The following PI4KA variants were observed in gnomAD, a reference collection of about 807,000 sequenced individuals.
The protein encoded by PI4KA is phosphatidylinositol 4-kinase alpha, also known as PI4-kinase alpha.
In PI4KA, 122 loss-of-function variants were observed where a neutral mutation model predicts 271.4. That is an observed-to-expected ratio of 0.45 (90% CI 0.39 to 0.52). The LOEUF (loss-of-function observed/expected upper bound fraction) is 0.52. Ranked by LOEUF, PI4KA falls within the 20% of genes least tolerant of loss-of-function variation. The probability of loss-of-function intolerance (pLI) is 0.00; values close to 1 mark genes in which losing one functional copy is unlikely to be tolerated. For synonymous variants in PI4KA, 1,041 were observed against 1,078.8 expected (o/e 0.96, Z 0.69); for missense variants, 1,969 against 2,769.1 (o/e 0.71, Z 6.48).
At chr22:20,807,226 C>T (rs993887015) in intron 10 of PI4KA, 136 bp downstream of exon 10, 2 of 612,390 alleles carry the variant, frequency 3.3e-6, no homozygotes, top group Non-Finnish European at 2.9e-6. Flanking sequence ...ATTTCAGTAA[C>T]ATGACCACTT....
chr22:20,755,594 A>T (rs1601414890), intron 23 of PI4KA, among the ~76,000 whole-genome samples: 1 of 152,144 alleles, frequency 6.6e-6, no homozygotes, highest in East Asian at 1.9e-4. Flanking sequence ...TGAGGTCAGG[A>T]GTTTGAGACC....
chr22:20,760,136 C>T (rs866975026), intron 23 of PI4KA, among the ~76,000 whole-genome samples: 38 of 152,334 alleles, frequency 2.5e-4, no homozygotes, highest in Middle Eastern at 3.4e-3. Context: ...AGTTGTACTT[C>T]ATTAATACTA....
At chr22:20,764,769 C>T (rs1294248138) in intron 22 of PI4KA, 48 bp downstream of exon 22, 1 of 1,536,784 alleles carries the variant, frequency 6.5e-7, no homozygotes, top group Non-Finnish European at 8.8e-7. Flanking sequence ...AATGAAAACC[C>T]TGCTCAAATG....
intron 19 of PI4KA, chr22:20,779,880 A>C: frequency 6.2e-7 from 1 of 1,614,256 alleles, no homozygotes. Flanking sequence ...TGTTAATGCC[A>C]GCAGCAAGTA....
intron 7 of PI4KA, among the ~76,000 whole-genome samples, chr22:20,815,303 C>A (rs1921630932): frequency 6.7e-6 from 1 of 149,744 alleles, no homozygotes; most frequent in Non-Finnish European, 1.5e-5. Context: ...ACTGCTTAAG[C>A]CCGGGAGGCT....
chr22:20,856,108 C>A (rs1277951503), intron 1 of PI4KA, among the ~76,000 whole-genome samples: 1 of 152,146 alleles, frequency 6.6e-6, no homozygotes, highest in Non-Finnish European at 1.5e-5. Flanking sequence ...AGGGTGAAAC[C>A]CCGTCTCCAC....
chr22:20,780,261 G>A (rs1933664492), intron 19 of PI4KA: 6 of 1,608,766 alleles, frequency 3.7e-6, no homozygotes, highest in African/African-American at 2.7e-5. Context: ...TTGTATGTGG[G>A]TAGATTGAAT....
At chr22:20,779,838 C>A in intron 19 of PI4KA, 2 of 1,614,214 alleles carry the variant, frequency 1.2e-6, no homozygotes, top group African/African-American at 2.7e-5. Context: ...GACCCATGAA[C>A]AAGTGCACTC....
In PI4KA at chr22:20,833,665, T is replaced by G. The variant is rs1274813410; in HGVS notation, c.367+897A>C. ...AGTTTTGGTTTGTTTTTGTTTTTTT[T>G]TTTTTTTTTTTTTGAGACGGAGTCT... On this transcript the variant is annotated intron_variant, in intron 3 of 54. Coordinates refer to ENST00000255882, the MANE Select transcript of PI4KA (RefSeq NM_058004.4). 2.2e-3 allele frequency among the ~76,000 whole-genome samples: 324 copies of G among 148,422 alleles called. 1 individual carries two copies. The highest frequency in any genetic ancestry group is 7.7e-3 in the African/African-American group (313 of 40,478).
intron 19 of PI4KA, among the ~76,000 whole-genome samples, chr22:20,776,076 C>T (rs1233606521): frequency 1.3e-5 from 2 of 152,160 alleles, no homozygotes; most frequent in Non-Finnish European, 2.9e-5. Context: ...AATTCCAGCA[C>T]TTTGGGAGGC....
intron 19 of PI4KA, among the ~76,000 whole-genome samples, chr22:20,774,755 C>A (rs1224310263): frequency 8.3e-6 from 1 of 120,540 alleles, no homozygotes; most frequent in Non-Finnish European, 1.7e-5. Flanking sequence ...AGTTAGACTC[C>A]GTCAAAAAAA....
intron 2 of PI4KA, among the ~76,000 whole-genome samples, chr22:20,837,273 A>C (rs1308364411): frequency 6.6e-6 from 1 of 152,220 alleles, no homozygotes; most frequent in Non-Finnish European, 1.5e-5. Context: ...GCTGCTCAGG[A>C]GGCTGAGATG....
At chr22:20,805,307 T>A in intron 10 of PI4KA, 142 bp from the exon 11 acceptor site, 1 of 598,750 alleles carries the variant, frequency 1.7e-6, no homozygotes, top group Non-Finnish European at 2.9e-6. Flanking sequence ...GGTCCTAGAA[T>A]GCCCACTGGA....
intron 19 of PI4KA, chr22:20,786,848 A>G: frequency 1.9e-6 from 3 of 1,613,384 alleles, no homozygotes; most frequent in South Asian, 1.1e-5. Context: ...TGACCTCCAG[A>G]ATCTGACAAC....
chr22:20,730,968 G>C (rs1731027176), intron 36 of PI4KA, among the ~76,000 whole-genome samples: 1 of 151,946 alleles, frequency 6.6e-6, no homozygotes, highest in Non-Finnish European at 1.5e-5. Flanking sequence ...CTAGACGCCA[G>C]GAGATCGAGG....
chr22:20,725,292 G>A, intron 42 of PI4KA: 1 of 207,074 alleles, frequency 4.8e-6, no homozygotes, highest in Non-Finnish European at 1.0e-5. Context: ...TGGCGCGAGG[G>A]CAGAGGCGGC....
chr22:20,785,067 C>CTTTTTT (rs1555894632), intron 19 of PI4KA, among the ~76,000 whole-genome samples: 1 of 134,452 alleles, frequency 7.4e-6, no homozygotes. Flanking sequence ...GGGACTGCAT[C>CTTTTTT]TTTTTTTTTT....
rs370158842 is a variant in PI4KA at position 20,856,170 on chromosome 22, G to A, written c.156+2400C>T. 1.3e-4 allele frequency among the ~76,000 whole-genome samples: 20 copies of A among 152,226 alleles called. No individual in the cohort carries two copies. In the South Asian group the frequency reaches 3.3e-3, roughly 25 times the overall value. ...CTACTAAATACTAAAAAATTTGCCC[G>A]GGGTGGTGGCACACGCCTGTAGTCC... On this transcript the variant is annotated intron_variant, in intron 1 of 54. Transcript: ENST00000255882.
chr22:20,784,047 A>C (rs1471538860), intron 19 of PI4KA: 74 of 1,614,080 alleles, frequency 4.6e-5, no homozygotes, highest in Non-Finnish European at 6.2e-5. Context: ...GAGGTAGTTA[A>C]GGTTTCCATG....
Sources: allele counts gnomAD v4.1 joint callset (sites outside exome capture counted in the v4.1 genomes callset), GRCh38; gene constraint gnomAD v4.1.1; transcripts MANE v1.5; gene names NCBI Gene and HGNC (gene_info 2026-07-23, HGNC 2026-07-21).